Variants in GDA observed in about 807,000 individuals in gnomAD.
GDA encodes cytoplasmic PSD-95 interactor.
A neutral mutation model predicts 59.6 loss-of-function variants in GDA; 18 were observed. The observed-to-expected ratio is 0.30, with a 90% CI of 0.21 to 0.45. The LOEUF is 0.45. GDA is among the 20% of genes least tolerant of loss of function. The pLI is 1.00. For missense variants in GDA, 427 were observed against 552.3 expected (o/e 0.77, Z 2.27); for synonymous variants, 201 against 201.1 (o/e 1.00, Z 0.00).
chr9:72,189,356 A>AT (rs952784967), intron 1 of GDA, among the ~76,000 whole-genome samples: 5 of 150,208 alleles, frequency 3.3e-5, no homozygotes, highest in East Asian at 1.9e-4. Context: ...AATTTTTTTG[A>AT]TTTTTTTAGT....
At chr9:72,236,635 C>T (rs560755473) in intron 10 of GDA, among the ~76,000 whole-genome samples, 14 of 152,300 alleles carry the variant, frequency 9.2e-5, no homozygotes, top group Admixed American at 7.8e-4. Flanking sequence ...TATTCTTTCC[C>T]TCTCCCAGCA....
chr9:72,196,291 G>A (rs1260008261), intron 2 of GDA, among the ~76,000 whole-genome samples: 2 of 151,926 alleles, frequency 1.3e-5, no homozygotes, highest in South Asian at 4.2e-4. Flanking sequence ...GACCAGCCTG[G>A]CCAACGTGGT....
intron 1 of GDA, among the ~76,000 whole-genome samples, chr9:72,152,548 G>T (rs1827339822): frequency 2.6e-5 from 4 of 152,302 alleles, no homozygotes; most frequent in Admixed American, 6.5e-5. Context: ...CAGTGATGAT[G>T]AGCATTTTTT....
At chr9:72,218,283 C>T (rs768668689) in intron 5 of GDA, among the ~76,000 whole-genome samples, 2 of 152,286 alleles carry the variant, frequency 1.3e-5, no homozygotes, top group Non-Finnish European at 2.9e-5. Context: ...AAATCTTTGC[C>T]AAGACCAAAC....
intron 1 of GDA, among the ~76,000 whole-genome samples, chr9:72,141,368 CAAAG>C (rs1826434182): frequency 1.3e-5 from 2 of 151,960 alleles, no homozygotes; most frequent in East Asian, 1.9e-4. Flanking sequence ...GAAATATACA[CAAAG>C]GAAGGAAGTT....
At chr9:72,163,482 A>G (rs1295974923) in intron 1 of GDA, among the ~76,000 whole-genome samples, 1 of 151,522 alleles carries the variant, frequency 6.6e-6, no homozygotes, top group Non-Finnish European at 1.5e-5. Context: ...AGTGACAGTA[A>G]CAGGTAAAAT....
At chr9:72,236,090 C>T (rs1238603342) in intron 10 of GDA, among the ~76,000 whole-genome samples, 3 of 152,184 alleles carry the variant, frequency 2.0e-5, no homozygotes, top group African/African-American at 7.2e-5. Context: ...TATTCTAATT[C>T]GAATTCTTAG....
At chr9:72,129,294 T>C (rs1825949773) in intron 1 of GDA, among the ~76,000 whole-genome samples, 1 of 152,158 alleles carries the variant, frequency 6.6e-6, no homozygotes, top group Admixed American at 6.5e-5. Context: ...ATATTCAAAC[T>C]TTCAACAGAA....
intron 1 of GDA, among the ~76,000 whole-genome samples, chr9:72,181,271 C>G (rs1831175411): frequency 6.6e-6 from 1 of 152,096 alleles, no homozygotes; most frequent in South Asian, 2.1e-4. Flanking sequence ...AATATCCGTT[C>G]CCTTCCCTTA....
intron 1 of GDA, among the ~76,000 whole-genome samples, chr9:72,173,439 T>C (rs1830203614): frequency 6.6e-6 from 1 of 151,884 alleles, no homozygotes; most frequent in Non-Finnish European, 1.5e-5. Context: ...CAAGTGATTC[T>C]CCAGCTTCAG....
chr9:72,168,748 T>A (rs1829621565), intron 1 of GDA, among the ~76,000 whole-genome samples: 1 of 152,200 alleles, frequency 6.6e-6, no homozygotes, highest in Admixed American at 6.5e-5. Flanking sequence ...ATATATTAAC[T>A]CATTTAATCA....
At chr9:72,196,453 C>T (rs914755497) in intron 2 of GDA, among the ~76,000 whole-genome samples, 6 of 149,400 alleles carry the variant, frequency 4.0e-5, no homozygotes, top group Admixed American at 4.0e-4. Flanking sequence ...TGCCACTTCA[C>T]TCTAGCCTGG....
intron 1 of GDA, among the ~76,000 whole-genome samples, chr9:72,116,764 GTTAT>G (rs543253105): frequency 5.1e-4 from 78 of 151,858 alleles, no homozygotes; most frequent in Admixed American, 2.1e-3. Flanking sequence ...TATTCATATC[GTTAT>G]TTATTTATTT....
intron 11 of GDA, among the ~76,000 whole-genome samples, chr9:72,243,285 C>T (rs1206336159): frequency 1.3e-5 from 2 of 152,296 alleles, no homozygotes; most frequent in Non-Finnish European, 2.9e-5. Context: ...TTTACAAATT[C>T]ACTGAAAAGA....
chr9:72,198,662 A>G (rs1180850709), intron 2 of GDA, among the ~76,000 whole-genome samples: 1 of 143,324 alleles, frequency 7.0e-6, no homozygotes, highest in Non-Finnish European at 1.6e-5. Flanking sequence ...TTCAAATAAC[A>G]TGGATTCTCA....
intron 11 of GDA, 94 bp from the exon 12 acceptor site, chr9:72,245,054 G>T (rs1287283334): frequency 4.2e-6 from 5 of 1,176,676 alleles, no homozygotes; most frequent in Admixed American, 2.2e-5. Flanking sequence ...TTTTCTCCTA[G>T]CGACATGTTG....
At chr9:72,173,472 A>T (rs1355694840) in intron 1 of GDA, among the ~76,000 whole-genome samples, 1 of 152,068 alleles carries the variant, frequency 6.6e-6, no homozygotes, top group Non-Finnish European at 1.5e-5. Context: ...CTGGGAATAC[A>T]GGCGTGTGCC....
At chr9:72,162,879 G>A (rs929259342) in intron 1 of GDA, among the ~76,000 whole-genome samples, 1 of 152,140 alleles carries the variant, frequency 6.6e-6, no homozygotes, top group Non-Finnish European at 1.5e-5. Flanking sequence ...GGATGGTCTC[G>A]ATCTCCTGAC....
At chr9:72,119,171 G>A (rs576230799) in intron 1 of GDA, among the ~76,000 whole-genome samples, 4 of 152,254 alleles carry the variant, frequency 2.6e-5, no homozygotes, top group South Asian at 2.1e-4. Flanking sequence ...TGTCAGTGGA[G>A]GAAATAATGT....
Sources: gnomAD v4.1 joint callset for allele counts (sites outside exome capture counted in the v4.1 genomes callset) on GRCh38, gnomAD v4.1.1 for gene constraint, MANE v1.5 for transcripts, NCBI Gene and HGNC (gene_info 2026-07-23, HGNC 2026-07-21) for gene names.